The following ARVCF variants were observed in gnomAD, a reference collection of about 807,000 sequenced individuals.
ARVCF encodes the protein ARVCF delta catenin family member.
Under a neutral mutation model 90.9 loss-of-function variants are expected in ARVCF, and 66 were observed. The observed-to-expected ratio is 0.73, with a 90% CI of 0.60 to 0.89. ARVCF has a LOEUF of 0.89. Among genes scored for constraint, ARVCF ranks in the 40% least tolerant of loss-of-function variants. The probability of loss-of-function intolerance (pLI) is 0.00; values close to 1 mark genes in which losing one functional copy is unlikely to be tolerated. For missense variants in ARVCF, 1,469 were observed against 1,382.3 expected, an observed-to-expected ratio of 1.06 and a Z score of -1.00; for synonymous variants, 653 against 603.4, an observed-to-expected ratio of 1.08 and a Z score of -1.21.
In ARVCF at chr22:20,014,157, G is replaced by A. The variant is rs1001697614; in HGVS notation, c.-73+2432C>T. On this transcript the variant is annotated intron_variant, in intron 1 of 19. Transcript: ENST00000263207. Reference sequence around the variant, plus strand: ...GGCCTCCCAAAGTGCTGGGATTACAGGTACGAGCCACCGTGACCAGCCCAT... The same window carrying A: ...GGCCTCCCAAAGTGCTGGGATTACAAGTACGAGCCACCGTGACCAGCCCAT... 2.7e-5 allele frequency among the ~76,000 whole-genome samples: 4 copies of A among 150,570 alleles called. No homozygotes were observed. The East Asian group carries it at 5.9e-4, about 22-fold the overall frequency.
chr22:19,977,594 G>C lies in ARVCF; in HGVS notation c.1699-8C>G. 6.6e-7 allele frequency: 1 copy of C among 1,515,524 alleles called. No individual in the cohort carries two copies. Among genetic ancestry groups the C allele is most frequent in the Non-Finnish European group, 8.8e-7 (1 of 1,130,728 alleles). 93.9% of individuals were successfully genotyped at this position (1,515,524 alleles called of 1,614,324 possible). A position where few individuals can be genotyped will look rare whatever the true frequency, so the allele number is the denominator to read the frequency against. On this transcript the variant is annotated splice_region_variant and splice_polypyrimidine_tract_variant and intron_variant, in intron 8 of 19. Transcript: ENST00000263207. The stretch of plus-strand genomic sequence containing the variant: ...CACGCAGTTCTCCACCGACTGCAGG[G>C]AGAGGTGAGTGGGTGGGGCAGGGCA...
intron 12 of ARVCF, 83 bp downstream of exon 12, chr22:19,974,029 A>G (rs1487639832): frequency 2.0e-6 from 3 of 1,533,836 alleles, no homozygotes; most frequent in Non-Finnish European, 2.6e-6. Flanking sequence ...TTTCCCCGCC[A>G]GCCGAGGCAG....
chr22:19,981,639 G>A lies in ARVCF; in HGVS notation c.468C>T (p.Gly156=). The change falls in exon 5 of 20, where the codon GGC becomes GGT. Residue 156 remains glycine, a synonymous_variant. Transcript: ENST00000263207. ...GGTCCAGGGCACCATCTGCAAAAGG[G>A]CCTAGTGGGGGGCCGCCATCCAGCA... ...LPLLDGGPPL[G]PFADGALDRH... The A allele has an allele frequency of 3.1e-6, 5 of 1,609,354 alleles. No homozygotes were observed. Among genetic ancestry groups the A allele is most frequent in the African/African-American group, 1.3e-5 (1 of 75,038 alleles).
intron 2 of ARVCF, among the ~76,000 whole-genome samples, chr22:19,992,528 G>A (rs1203641929): frequency 6.6e-6 from 1 of 152,168 alleles, no homozygotes; most frequent in Non-Finnish European, 1.5e-5. Context: ...GCCCGAGGTG[G>A]GAATGGTAGG....
At chr22:19,969,844 C>T (rs1942645106), downstream of ARVCF, 2 of 985,370 alleles carry the variant, frequency 2.0e-6, no homozygotes, top group South Asian at 9.4e-5. Context: ...AGGCCCGACA[C>T]AAGGGAGAAG....
chr22:20,013,651 C>G (rs1332377660), intron 1 of ARVCF, among the ~76,000 whole-genome samples: 3 of 152,168 alleles, frequency 2.0e-5, no homozygotes, highest in African/African-American at 7.2e-5. Context: ...GCCCCTCAAT[C>G]AGCAGGGGCA....
In ARVCF at chr22:19,971,970, G is replaced by A. The variant is rs534613187; in HGVS notation, c.2697C>T (p.Asp899=). ...CCCTCCGGTCCACCGTGGAGTATCC[G>A]TCTGTAGATGGGGTAAGGTGGGGCA... is the stretch of plus-strand genomic sequence containing the variant. ...DVIPMDALGP[D]GYSTVDRRER... Residue 899 remains aspartate (D), a splice_region_variant and synonymous_variant, in exon 18 of 20, where the codon GAC becomes GAT. Coordinates refer to ENST00000263207, the MANE Select transcript of ARVCF (RefSeq NM_001670.3). 48 of 1,608,992 alleles carry A rather than the reference G, an allele frequency of 3.0e-5. No individual in the cohort carries two copies. The highest frequency in any genetic ancestry group is 6.7e-5 in the East Asian group (3 of 44,876).
chr22:20,013,946 C>T (rs1000548929), intron 1 of ARVCF, among the ~76,000 whole-genome samples: 3 of 152,102 alleles, frequency 2.0e-5, no homozygotes, highest in Non-Finnish European at 4.4e-5. Flanking sequence ...AATCTTGGCT[C>T]ACTGCAACCT....
At chr22:19,992,085 G>A (rs567870762) in intron 2 of ARVCF, among the ~76,000 whole-genome samples, 2 of 152,244 alleles carry the variant, frequency 1.3e-5, no homozygotes, top group Admixed American at 6.5e-5. Context: ...GCTGGGCTCA[G>A]CTGCGCCAGC....
At chr22:19,971,195 C>G in intron 19 of ARVCF, 21 bp downstream of exon 19, 1 of 1,551,568 alleles carries the variant, frequency 6.4e-7, no homozygotes, top group East Asian at 2.4e-5. Flanking sequence ...GGTGGACGAA[C>G]AACCAGATGA....
chr22:20,012,970 C>G (rs367848806), intron 1 of ARVCF, among the ~76,000 whole-genome samples: 8 of 152,378 alleles, frequency 5.3e-5, no homozygotes, highest in African/African-American at 1.9e-4. Context: ...GGTGAGCTCG[C>G]TCTGCACTCC....
chr22:19,996,313 C>CAA (rs751484877), intron 2 of ARVCF, among the ~76,000 whole-genome samples: 10 of 129,996 alleles, frequency 7.7e-5, no homozygotes, highest in African/African-American at 2.2e-4. Flanking sequence ...TCTGTATATC[C>CAA]AAAAAAAAAA....
intron 3 of ARVCF, among the ~76,000 whole-genome samples, chr22:19,986,132 G>A (rs1943752281): frequency 6.6e-6 from 1 of 152,250 alleles, no homozygotes; most frequent in Admixed American, 6.5e-5. Flanking sequence ...TGGGGTGGGA[G>A]AGCAGGGCTG....
chr22:19,990,817 A>G lies in ARVCF; in HGVS notation c.-18-5T>C. ...CATGACCAGAGCGCCCGCCAGCTGC[A>G]GGCAAAGCAGAGTAAGCTCAGTGGG... On this transcript the variant is annotated splice_region_variant and splice_polypyrimidine_tract_variant and intron_variant, in intron 2 of 19. Transcript: ENST00000263207. The G allele has an allele frequency of 6.5e-7, 1 of 1,543,756 alleles. No individual in the cohort carries two copies. The highest frequency in any genetic ancestry group is 8.8e-7 in the Non-Finnish European group (1 of 1,141,960).
chr22:19,987,449 G>T (rs1357772898), intron 3 of ARVCF, among the ~76,000 whole-genome samples: 2 of 151,296 alleles, frequency 1.3e-5, no homozygotes. Flanking sequence ...TGCGGCAGGG[G>T]TGTCACTTTC....
In ARVCF at chr22:19,977,433, C is replaced by T; in HGVS notation, c.1852G>A (p.Gly618Arg). The change falls in exon 9 of 20, where the codon GGA becomes AGA. Residue 618 changes from glycine (G) to arginine (R), a missense_variant. Physicochemically the swap from Gly to Arg is moderately radical, Grantham distance 125. Coordinates refer to ENST00000263207, the MANE Select transcript of ARVCF (RefSeq NM_001670.3). ...CACCCACCTTTGGCCTTCTTGCCTC[C>T]AAAGCAGCTGGCATCATCCCGCCTC... ...RRRRDDASCF[G>R]GKKAKEEWFH... The T allele has an allele frequency of 1.9e-6, 3 of 1,539,306 alleles. No homozygotes were observed. The highest frequency in any genetic ancestry group is 2.6e-6 in the Non-Finnish European group (3 of 1,142,618).
rs556404244 is a variant in ARVCF, at chr22:19,970,383, C to G, written c.*373G>C. ...CTGGCGCCAGACCTGGCCCGCACCA[C>G]TGGGGCACTGTGTTCCCAGGGGCAC... On this transcript the variant is annotated 3_prime_UTR_variant, in exon 20 of 20. Transcript: ENST00000263207. 31 of 1,037,250 alleles carry G rather than the reference C, an allele frequency of 3.0e-5. No individual in the cohort carries two copies. In the East Asian group the frequency reaches 2.7e-3, roughly 91 times the overall value. 64.3% of individuals were successfully genotyped at this position (1,037,250 alleles called of 1,614,324 possible). A position where few individuals can be genotyped will look rare whatever the true frequency, so the allele number is the denominator to read the frequency against.
chr22:19,972,009 G>A (rs1272403170), intron 17 of ARVCF, 38 bp from the exon 18 acceptor site: 1 of 1,543,700 alleles, frequency 6.5e-7, no homozygotes, highest in Non-Finnish European at 8.8e-7. Context: ...GGGGCGCTCT[G>A]AGGGAGGCCC....
At chr22:19,967,055 C>A (rs1942439070), downstream of ARVCF, 1 of 1,212,570 alleles carries the variant, frequency 8.2e-7, no homozygotes, top group Admixed American at 3.5e-5. Context: ...GTGCTGCCTT[C>A]TTTCCCCTCT....
Sources: allele counts gnomAD v4.1 joint callset (sites outside exome capture counted in the v4.1 genomes callset), GRCh38; gene constraint gnomAD v4.1.1; transcripts MANE v1.5; gene names NCBI Gene and HGNC (gene_info 2026-07-23, HGNC 2026-07-21).